The following STXBP5L variants were observed in gnomAD, a reference collection of about 807,000 sequenced individuals.
STXBP5L encodes syntaxin binding protein 5L, also known as syntaxin-binding protein 5-like.
A neutral mutation model predicts 144.5 loss-of-function variants in STXBP5L; 65 were observed. The ratio of observed to expected loss-of-function variants is 0.45; its 90% CI spans 0.37 to 0.55. The LOEUF (loss-of-function observed/expected upper bound fraction) is 0.55, where lower values mean the gene tolerates loss of function less well. Among genes scored for constraint, STXBP5L ranks in the 20% least tolerant of loss-of-function variants. The pLI is 0.00. For synonymous variants in STXBP5L, 505 were observed against 469.6 expected (o/e 1.08, Z -0.97); for missense variants, 1,298 against 1,405.5 (o/e 0.92, Z 1.22).
intron 2 of STXBP5L, among the ~76,000 whole-genome samples, chr3:120,924,059 T>C (rs1329858859): frequency 6.6e-6 from 1 of 152,232 alleles, no homozygotes; most frequent in Non-Finnish European, 1.5e-5. Context: ...CCTACGTCCC[T>C]ATCTTTTCTA....
chr3:121,265,029 A>G (rs2108402460), intron 18 of STXBP5L, among the ~76,000 whole-genome samples: 1 of 152,284 alleles, frequency 6.6e-6, no homozygotes, highest in South Asian at 2.1e-4. Flanking sequence ...TAATAGGGAG[A>G]CTTTTACACC....
chr3:121,413,496 T>A (rs2047166790), intron 24 of STXBP5L, among the ~76,000 whole-genome samples, 173 bp downstream of exon 24: 1 of 152,194 alleles, frequency 6.6e-6, no homozygotes, highest in South Asian at 2.1e-4. Context: ...TGGTTCTAGG[T>A]ATTGCACAGA....
At chr3:121,066,070 A>G (rs2041528784) in intron 5 of STXBP5L, among the ~76,000 whole-genome samples, 1 of 152,120 alleles carries the variant, frequency 6.6e-6, no homozygotes, top group Non-Finnish European at 1.5e-5. Context: ...ACAGCCCATG[A>G]CCTTTGTCAT....
At chr3:121,051,075 A>G (rs1173930448) in intron 5 of STXBP5L, among the ~76,000 whole-genome samples, 1 of 152,214 alleles carries the variant, frequency 6.6e-6, no homozygotes, top group Admixed American at 6.5e-5. Context: ...GAGCACCCAG[A>G]TTCATAAAGG....
intron 20 of STXBP5L, among the ~76,000 whole-genome samples, chr3:121,329,215 A>G (rs1029776659): frequency 1.3e-5 from 2 of 152,302 alleles, no homozygotes; most frequent in Middle Eastern, 3.4e-3. Context: ...AGGTTGGTTA[A>G]TACTCATGAA....
At position 121,418,566 on chromosome 3, in the gene STXBP5L, C is replaced by A. The variant is rs1371887282; in HGVS notation, c.3447+9C>A. 3 of 1,613,066 alleles carry A rather than the reference C, an allele frequency of 1.9e-6. No homozygotes were observed. Among genetic ancestry groups the A allele is most frequent in the Admixed American group, 3.3e-5 (2 of 59,956 alleles). ...CCAAACATGCACATGAGGTAAACTGCCTAAGTAAATACAGACATCTTCATA... is the reference window on the plus strand; with the variant it reads ...CCAAACATGCACATGAGGTAAACTGACTAAGTAAATACAGACATCTTCATA... On this transcript the variant is annotated intron_variant, in intron 26 of 26. Coordinates refer to ENST00000471454, the MANE Select transcript of STXBP5L (RefSeq NM_001308330.2).
At chr3:121,014,347 C>G (rs1022575068) in intron 3 of STXBP5L, among the ~76,000 whole-genome samples, 10 of 151,984 alleles carry the variant, frequency 6.6e-5, no homozygotes, top group Admixed American at 6.6e-4. Context: ...GAAAACACTA[C>G]TAACCTTCTG....
chr3:121,259,022 G>A lies in STXBP5L; in HGVS notation c.1833-21G>A, dbSNP rs200327784. On this transcript the variant is annotated intron_variant, in intron 17 of 26. Transcript: ENST00000471454. ...ATGTTTATTTAAGCTGTATATAATAGGATTGTTTTTGTTCTTAAAGTGTGA... is the reference window on the plus strand; with the variant it reads ...ATGTTTATTTAAGCTGTATATAATAAGATTGTTTTTGTTCTTAAAGTGTGA... The A allele has an allele frequency of 8.7e-5, 137 of 1,583,776 alleles. No individual in the cohort carries two copies. In the African/African-American group the frequency reaches 1.3e-3, roughly 15 times the overall value.
At chr3:121,192,965 G>A (rs2047760697) in intron 9 of STXBP5L, among the ~76,000 whole-genome samples, 1 of 150,704 alleles carries the variant, frequency 6.6e-6, no homozygotes, top group Non-Finnish European at 1.5e-5. Flanking sequence ...AGCCAAAATT[G>A]ACAAATGGGA....
chr3:121,218,134 G>A (rs978831108), intron 10 of STXBP5L, among the ~76,000 whole-genome samples: 18 of 138,158 alleles, frequency 1.3e-4, no homozygotes, highest in Admixed American at 6.1e-4. Flanking sequence ...ATAATATGTA[G>A]TATAATGTAA....
At chr3:120,925,144 A>G (rs1016438718) in intron 2 of STXBP5L, 2 of 152,324 alleles carry the variant, frequency 1.3e-5, no homozygotes, top group African/African-American at 4.8e-5. Context: ...AAATGATGAT[A>G]CAAGGAATGC....
chr3:121,086,479 C>G (rs1488970047), intron 5 of STXBP5L, among the ~76,000 whole-genome samples: 2 of 151,960 alleles, frequency 1.3e-5, no homozygotes. Context: ...TATTTAGATA[C>G]ACAAATGTTT....
At chr3:121,335,856 C>T (rs1006656316) in intron 20 of STXBP5L, among the ~76,000 whole-genome samples, 4 of 152,040 alleles carry the variant, frequency 2.6e-5, no homozygotes, top group Non-Finnish European at 4.4e-5. Context: ...GACATAGAAA[C>T]CGGCAAAGAT....
chr3:120,961,262 C>T (rs915753931), intron 3 of STXBP5L, among the ~76,000 whole-genome samples: 4 of 139,732 alleles, frequency 2.9e-5, no homozygotes, highest in South Asian at 2.3e-4. Flanking sequence ...ATACTTTAGT[C>T]TTTCTTTTTT....
At chr3:120,990,004 G>A (rs1396299759) in intron 3 of STXBP5L, among the ~76,000 whole-genome samples, 5 of 152,216 alleles carry the variant, frequency 3.3e-5, no homozygotes, top group East Asian at 1.9e-4. Flanking sequence ...ATTAGGAAAC[G>A]AGGAAGTCAA....
chr3:121,270,599 T>A (rs1451076567), intron 18 of STXBP5L, among the ~76,000 whole-genome samples: 1 of 151,946 alleles, frequency 6.6e-6, no homozygotes, highest in Non-Finnish European at 1.5e-5. Context: ...ATTACAGGCA[T>A]GCACCACCAC....
chr3:121,184,681 C>A (rs977906073), intron 9 of STXBP5L, among the ~76,000 whole-genome samples: 16 of 152,092 alleles, frequency 1.1e-4, no homozygotes, highest in African/African-American at 3.1e-4. Context: ...CCTAGCAAGA[C>A]AGGCCAACAT....
At chr3:121,141,050 C>G (rs1201995518) in intron 7 of STXBP5L, among the ~76,000 whole-genome samples, 2 of 151,942 alleles carry the variant, frequency 1.3e-5, no homozygotes, top group Non-Finnish European at 2.9e-5. Flanking sequence ...TTTTTAAAGA[C>G]TGAAAAAATA....
chr3:120,941,054 A>C (rs1031897341), intron 2 of STXBP5L, among the ~76,000 whole-genome samples: 6 of 151,950 alleles, frequency 3.9e-5, no homozygotes, highest in African/African-American at 1.4e-4. Context: ...ATAAATTTGT[A>C]CTTACATAAT....
Sources: gnomAD v4.1 joint callset for allele counts (sites outside exome capture counted in the v4.1 genomes callset) on GRCh38, gnomAD v4.1.1 for gene constraint, MANE v1.5 for transcripts, NCBI Gene and HGNC (gene_info 2026-07-23, HGNC 2026-07-21) for gene names.